SLC1A2: variants seen among roughly 807,000 people sequenced by gnomAD.
SLC1A2 encodes the protein solute carrier family 1 member 2.
A neutral mutation model predicts 48.8 loss-of-function variants in SLC1A2; 15 were observed. The observed-to-expected ratio is 0.31, with a 90% CI of 0.21 to 0.47. The LOEUF is 0.47. Ranked by LOEUF, SLC1A2 falls within the 20% of genes least tolerant of loss-of-function variation. SLC1A2 has a pLI of 0.99. For missense variants in SLC1A2, 502 were observed against 730.5 expected (o/e 0.69, Z 3.61); for synonymous variants, 279 against 272.6 (o/e 1.02, Z -0.23).
At chr11:35,372,376 G>A (rs771208107) in intron 1 of SLC1A2, among the ~76,000 whole-genome samples, 1 of 152,194 alleles carries the variant, frequency 6.6e-6, no homozygotes, top group African/African-American at 2.4e-5. Flanking sequence ...TGCTTTGGTG[G>A]CTCTGGGGAC....
intron 1 of SLC1A2, 105 bp from the exon 2 acceptor site, chr11:35,317,621 A>G (rs1591467110): frequency 7.4e-7 from 1 of 1,344,152 alleles, no homozygotes; most frequent in East Asian, 2.3e-5. Context: ...GGAATCTGGA[A>G]CCATCTGCAG....
Position 35,280,818 on chromosome 11 carries a change from A to G in SLC1A2, c.1421+49T>C, listed in dbSNP as rs573724456. ...GCAACCTTGCCACCTGTGCATCCCT[A>G]GGAGGCAGTACTCACAGTCCCAGCA... On this transcript the variant is annotated intron_variant, in intron 9 of 10. Coordinates refer to ENST00000278379, the MANE Select transcript of SLC1A2 (RefSeq NM_004171.4). 8.0e-6 allele frequency: 11 copies of G among 1,376,264 alleles called. No homozygotes were observed. The East Asian group carries it at 2.8e-4, about 34-fold the overall frequency. The allele number at this position is 1,376,264 out of a possible 1,614,324, so 85.3% of individuals were successfully genotyped here. A position where few individuals can be genotyped will look rare whatever the true frequency, so the allele number is the denominator to read the frequency against.
chr11:35,270,130 A>T (rs1226144371), intron 9 of SLC1A2, among the ~76,000 whole-genome samples: 1 of 152,220 alleles, frequency 6.6e-6, no homozygotes, highest in African/African-American at 2.4e-5. Context: ...AGAATATTTT[A>T]AAATGAATTT....
At chr11:35,345,901 C>A (rs1304231627) in intron 1 of SLC1A2, among the ~76,000 whole-genome samples, 1 of 152,142 alleles carries the variant, frequency 6.6e-6, no homozygotes, top group East Asian at 1.9e-4. Context: ...AACTCATTTT[C>A]TTAGTTAAAC....
At position 35,315,097 on chromosome 11, in the gene SLC1A2, G is replaced by A; in HGVS notation, c.236C>T (p.Ala79Val). 2 of 1,611,668 alleles carry A rather than the reference G, an allele frequency of 1.2e-6. No homozygotes were observed. Among genetic ancestry groups the A allele is most frequent in the Admixed American group, 1.7e-5 (1 of 60,016 alleles). The change falls in exon 3 of 11, where the codon GCC (alanine) becomes GTC (valine). Residue 79 changes from alanine (A) to valine (V), a missense_variant. Physicochemically the swap from Ala to Val is moderately conservative, Grantham distance 64. Coordinates refer to ENST00000278379, the MANE Select transcript of SLC1A2 (RefSeq NM_004171.4). ...CCTCATGAGTATATCCCCTGGGAAG[G>A]CTATTAACATAACCACATCAGGGTG... is the stretch of plus-strand genomic sequence containing the variant. The part of the protein sequence containing the change: ...PIHPDVVMLI[A>V]FPGDILMRML...
chr11:35,271,008 C>T (rs1162026797), intron 9 of SLC1A2, among the ~76,000 whole-genome samples: 1 of 152,074 alleles, frequency 6.6e-6, no homozygotes, highest in Non-Finnish European at 1.5e-5. Context: ...GAGTGAAATC[C>T]AGTTAGTGAG....
At chr11:35,331,924 A>G (rs945850940) in intron 1 of SLC1A2, among the ~76,000 whole-genome samples, 8 of 152,106 alleles carry the variant, frequency 5.3e-5, no homozygotes, top group Admixed American at 3.3e-4. Flanking sequence ...GGCCCTGTCC[A>G]TGTTAGGTGT....
chr11:35,286,816 G>T lies in SLC1A2; in HGVS notation c.1227C>A (p.Ala409=). 11 of 1,613,856 alleles carry T rather than the reference G, an allele frequency of 6.8e-6. No individual in the cohort carries two copies. The highest frequency in any genetic ancestry group is 9.3e-6 in the Non-Finnish European group (11 of 1,179,848). ...CACCATTCATTTGGGCTATAAAGAT[G>T]GCGGCTACCGCTTCATAAAGGGCTG... ...DGTALYEAVA[A]IFIAQMNGVV... The change falls in exon 8 of 11, where the codon GCC becomes GCA. Residue 409 remains alanine (A), a synonymous_variant. Coordinates refer to ENST00000278379, the MANE Select transcript of SLC1A2 (RefSeq NM_004171.4).
At chr11:35,399,615 A>G in intron 1 of SLC1A2, 1 of 984,262 alleles carries the variant, frequency 1.0e-6, no homozygotes, top group Non-Finnish European at 1.2e-6. Context: ...TGCGTTTTCC[A>G]TTTGTATGCG....
At chr11:35,351,756 C>A (rs192867257) in intron 1 of SLC1A2, among the ~76,000 whole-genome samples, 2 of 152,186 alleles carry the variant, frequency 1.3e-5, no homozygotes, top group African/African-American at 4.8e-5. Context: ...CTGCCTCAAT[C>A]TCCTGAGTAG....
intron 1 of SLC1A2, among the ~76,000 whole-genome samples, chr11:35,344,329 A>C (rs1344369110): frequency 6.6e-6 from 1 of 152,214 alleles, no homozygotes; most frequent in Non-Finnish European, 1.5e-5. Flanking sequence ...ACATTTAACC[A>C]GTGACTTGAA....
chr11:35,307,289 C>A (rs929886457), intron 4 of SLC1A2: 1 of 152,214 alleles, frequency 6.6e-6, no homozygotes, highest in Non-Finnish European at 1.5e-5. Flanking sequence ...ATGGCAGGAG[C>A]ATTTGCTTAT....
intron 4 of SLC1A2, among the ~76,000 whole-genome samples, chr11:35,309,050 T>C (rs752110752): frequency 6.6e-6 from 1 of 152,200 alleles, no homozygotes; most frequent in Admixed American, 6.5e-5. Context: ...TCTGCATATC[T>C]GTGCCTCTAC....
At chr11:35,403,239 G>A (rs550335175) in intron 1 of SLC1A2, among the ~76,000 whole-genome samples, 10 of 152,362 alleles carry the variant, frequency 6.6e-5, no homozygotes, top group African/African-American at 1.9e-4. Flanking sequence ...GTCTCAGAGA[G>A]GCTAATTAAC....
intron 1 of SLC1A2, among the ~76,000 whole-genome samples, chr11:35,357,463 T>G (rs1853522048): frequency 6.6e-6 from 1 of 152,170 alleles, no homozygotes; most frequent in Admixed American, 6.5e-5. Flanking sequence ...ATAAATCTGT[T>G]TATGTTCATG....
chr11:35,386,042 T>A (rs1288178569), intron 1 of SLC1A2, among the ~76,000 whole-genome samples: 1 of 152,102 alleles, frequency 6.6e-6, no homozygotes, highest in Non-Finnish European at 1.5e-5. Context: ...GGCGGATGCC[T>A]GTAGTCCCAG....
At chr11:35,277,667 C>T (rs1439339196) in intron 9 of SLC1A2, among the ~76,000 whole-genome samples, 1 of 152,106 alleles carries the variant, frequency 6.6e-6, no homozygotes, top group Non-Finnish European at 1.5e-5. Flanking sequence ...CCCTCAATGA[C>T]CACAAGCATT....
In SLC1A2 at chr11:35,365,373, C is replaced by G. The variant is rs189735308; in HGVS notation, c.18-47857G>C. On this transcript the variant is annotated intron_variant, in intron 1 of 10. Coordinates refer to ENST00000278379, the MANE Select transcript of SLC1A2 (RefSeq NM_004171.4). ...CCTGCCATCAGCCTGGCTCTGAGGT[C>G]AGCATTTCCAGCATCAGTCTCAGTG... Among the ~76,000 whole-genome samples the G allele has an allele frequency of 2.2e-4, 33 of 152,278 alleles. 1 individual carries two copies. Among genetic ancestry groups the G allele is most frequent in the Middle Eastern group, 3.4e-3 (1 of 294 alleles).
intron 1 of SLC1A2, among the ~76,000 whole-genome samples, chr11:35,394,005 A>T (rs1854870611): frequency 6.6e-6 from 1 of 152,116 alleles, no homozygotes; most frequent in African/African-American, 2.4e-5. Context: ...CCCCTCCTAA[A>T]GGAAAAAGAC....
Sources: allele counts gnomAD v4.1 joint callset (sites outside exome capture counted in the v4.1 genomes callset), GRCh38; gene constraint gnomAD v4.1.1; transcripts MANE v1.5; gene names NCBI Gene and HGNC (gene_info 2026-07-23, HGNC 2026-07-21).